ATP10B: variants seen among roughly 807,000 people sequenced by gnomAD.
The protein encoded by ATP10B is phospholipid-transporting ATPase VB.
In ATP10B, 122 loss-of-function variants were observed where a neutral mutation model predicts 141.2. That is an observed-to-expected ratio of 0.86 (90% CI 0.75 to 1.00). The LOEUF is 1.00. ATP10B is among the 50% of genes least tolerant of loss of function. The probability of loss-of-function intolerance (pLI) is 0.00; values close to 1 mark genes in which losing one functional copy is unlikely to be tolerated. For missense variants in ATP10B, 1,876 were observed against 1,825.3 expected, an observed-to-expected ratio of 1.03 and a Z score of -0.51; for synonymous variants, 685 against 692.0, an observed-to-expected ratio of 0.99 and a Z score of 0.16.
At chr5:160,823,023 TATATATATATATAA>T (rs1774286781) in intron 1 of ATP10B, among the ~76,000 whole-genome samples, 3 of 124,926 alleles carry the variant, frequency 2.4e-5, no homozygotes, top group African/African-American at 9.1e-5. Flanking sequence ...TATATATATA[TATATATATATATAA>T]AATAAAGAGT....
At chr5:160,643,160 C>T (rs764283240) in intron 9 of ATP10B, among the ~76,000 whole-genome samples, 11 of 152,164 alleles carry the variant, frequency 7.2e-5, no homozygotes, top group Admixed American at 2.6e-4. Context: ...CTAGCTAAAT[C>T]GTGACATTAT....
At chr5:160,738,460 CAG>C (rs1767263943) in intron 2 of ATP10B, among the ~76,000 whole-genome samples, 1 of 151,882 alleles carries the variant, frequency 6.6e-6, no homozygotes, top group Non-Finnish European at 1.5e-5. Flanking sequence ...GGAGATAAAA[CAG>C]AAAATGATCA....
At chr5:160,573,038 CCTT>C (rs1290037347) in intron 24 of ATP10B, among the ~76,000 whole-genome samples, 1 of 152,170 alleles carries the variant, frequency 6.6e-6, no homozygotes, top group Non-Finnish European at 1.5e-5. Context: ...ATATATGTAT[CCTT>C]CTAGTATGGG....
At chr5:160,833,387 A>C (rs1775222924) in intron 1 of ATP10B, among the ~76,000 whole-genome samples, 1 of 152,194 alleles carries the variant, frequency 6.6e-6, no homozygotes, top group Non-Finnish European at 1.5e-5. Context: ...ATAAAGCTGC[A>C]GCAAATCTCA....
rs142724658 is a variant in ATP10B at position 160,780,626 on chromosome 5, G to A, written c.-331+4933C>T. Among the ~76,000 whole-genome samples, 988 of 152,190 alleles carry A rather than the reference G, an allele frequency of 6.5e-3. 9 individuals are homozygous for A. Among genetic ancestry groups the A allele is most frequent in the African/African-American group, 0.023 (945 of 41,516 alleles). ...TACCCCAGTGTACTGTGTAATAACT[G>A]GATTCCTGAACTGAACACTCCTGAA... On this transcript the variant is annotated intron_variant, in intron 2 of 25. Transcript: ENST00000327245.
At chr5:160,714,587 G>A (rs1765475160) in intron 3 of ATP10B, among the ~76,000 whole-genome samples, 1 of 128,116 alleles carries the variant, frequency 7.8e-6, no homozygotes, top group Non-Finnish European at 1.6e-5. Flanking sequence ...AGAGTAATTT[G>A]ATCGTCTGAA....
At chr5:160,637,953 G>A (rs1759540117) in intron 10 of ATP10B, among the ~76,000 whole-genome samples, 1 of 152,180 alleles carries the variant, frequency 6.6e-6, no homozygotes, top group South Asian at 2.1e-4. Flanking sequence ...GCCTTTAAGG[G>A]AATAAGACAA....
chr5:160,715,582 G>A (rs1051811157), intron 3 of ATP10B, among the ~76,000 whole-genome samples: 9 of 151,572 alleles, frequency 5.9e-5, no homozygotes, highest in Non-Finnish European at 8.8e-5. Context: ...CTTCTGCGTC[G>A]CTCACGCTGG....
intron 1 of ATP10B, among the ~76,000 whole-genome samples, chr5:160,809,578 GTATAATA>G (rs1773010882): frequency 2.0e-5 from 3 of 152,072 alleles, no homozygotes; most frequent in Admixed American, 1.3e-4. Context: ...ATTTGAAACT[GTATAATA>G]TATTATTGTT....
intron 21 of ATP10B, among the ~76,000 whole-genome samples, chr5:160,602,127 G>A (rs17058044): frequency 0.011 from 1,686 of 152,238 alleles, 15 homozygotes; most frequent in Non-Finnish European, 0.017. Context: ...ATAAAAAAAA[G>A]GCTAACTTTA....
chr5:160,613,658 A>G (rs1757849722), intron 17 of ATP10B, among the ~76,000 whole-genome samples: 1 of 152,208 alleles, frequency 6.6e-6, no homozygotes, highest in Non-Finnish European at 1.5e-5. Context: ...AAAGACTGAA[A>G]TCTTTGCCCT....
chr5:160,908,921 C>T, the ATP10B span, among the ~76,000 whole-genome samples: 1 of 152,138 alleles, frequency 6.6e-6, no homozygotes, highest in Non-Finnish European at 1.5e-5. Context: ...ACCCTAACTT[C>T]CTTATTTCCT....
At chr5:160,799,165 T>A (rs1772175439) in intron 1 of ATP10B, among the ~76,000 whole-genome samples, 2 of 151,880 alleles carry the variant, frequency 1.3e-5, no homozygotes, top group Admixed American at 1.3e-4. Flanking sequence ...CTCAAATGAG[T>A]AAAAAGAAGT....
the ATP10B span, among the ~76,000 whole-genome samples, chr5:160,876,897 T>C: frequency 0.56 from 71,157 of 127,478 alleles, 21,334 homozygotes; most frequent in East Asian, 0.81. Context: ...TAATCAATAG[T>C]TTACCAACCA....
intron 3 of ATP10B, among the ~76,000 whole-genome samples, chr5:160,705,950 T>C (rs891986685): frequency 1.3e-5 from 2 of 152,140 alleles, no homozygotes; most frequent in African/African-American, 2.4e-5. Flanking sequence ...TTAGAGGCCA[T>C]TGTAGGGTTA....
chr5:160,857,456 T>C, the ATP10B span, among the ~76,000 whole-genome samples: 1 of 151,862 alleles, frequency 6.6e-6, no homozygotes, highest in African/African-American at 2.4e-5. Flanking sequence ...ATTAATTCTA[T>C]TTGTTGATCT....
chr5:160,908,601 C>T, the ATP10B span, among the ~76,000 whole-genome samples: 1 of 152,110 alleles, frequency 6.6e-6, no homozygotes, highest in African/African-American at 2.4e-5. Context: ...CCAAGAGGAC[C>T]CTGGGGTCAG....
Position 160,812,952 on chromosome 5 carries a change from AT to A in ATP10B, c.-575-27150del, listed in dbSNP as rs527570556. Among the ~76,000 whole-genome samples the A allele has an allele frequency of 1.1e-3, 167 of 152,378 alleles. 2 individuals carry two copies. The highest frequency in any genetic ancestry group is 3.9e-3 in the African/African-American group (161 of 41,594). ...AATCCAAAGAAGACTACCTCAAGGC[AT>A]TTAATAATCAAACTTATGAAAGTCA... is the stretch of plus-strand genomic sequence containing the variant. On this transcript the variant is annotated intron_variant, in intron 1 of 25. Transcript: ENST00000327245.
intron 2 of ATP10B, among the ~76,000 whole-genome samples, chr5:160,750,351 A>G (rs182891346): frequency 2.6e-5 from 4 of 152,256 alleles, no homozygotes; most frequent in Admixed American, 2.6e-4. Context: ...CTTCTTGGTA[A>G]TCAAGCAAAT....
Sources: gnomAD v4.1 joint callset for allele counts (sites outside exome capture counted in the v4.1 genomes callset) on GRCh38, gnomAD v4.1.1 for gene constraint, MANE v1.5 for transcripts, NCBI Gene and HGNC (gene_info 2026-07-23, HGNC 2026-07-21) for gene names.